Variants in DNAH11 observed in about 807,000 individuals in gnomAD.
The protein encoded by DNAH11 is axonemal beta dynein heavy chain 11.
In DNAH11, 442 loss-of-function variants were observed where a neutral mutation model predicts 526.0. The ratio of observed to expected loss-of-function variants is 0.84; its 90% CI spans 0.78 to 0.91. The LOEUF is 0.91. DNAH11 is among the 40% of genes least tolerant of loss of function. The probability of loss-of-function intolerance (pLI) is 0.00; values close to 1 mark genes in which losing one functional copy is unlikely to be tolerated. For missense variants in DNAH11, 6,989 were observed against 5,448.7 expected, an observed-to-expected ratio of 1.28 and a Z score of -8.90; for synonymous variants, 2,461 against 1,935.9, an observed-to-expected ratio of 1.27 and a Z score of -7.12.
chr7:21,824,185 T>C (rs895944104), intron 65 of DNAH11, among the ~76,000 whole-genome samples: 1 of 152,168 alleles, frequency 6.6e-6, no homozygotes, highest in African/African-American at 2.4e-5. Flanking sequence ...TTAGGGTGTT[T>C]TAATTTTATT....
intron 14 of DNAH11, among the ~76,000 whole-genome samples, chr7:21,593,247 C>A (rs912882949): frequency 1.6e-4 from 25 of 152,202 alleles, no homozygotes; most frequent in African/African-American, 6.0e-4. Context: ...TGACGTAGGA[C>A]CTGAAAATAA....
chr7:21,581,218 C>T (rs1389060708), intron 8 of DNAH11, among the ~76,000 whole-genome samples: 1 of 152,164 alleles, frequency 6.6e-6, no homozygotes, highest in African/African-American at 2.4e-5. Context: ...AATCCTGGGA[C>T]TTCTTTACTG....
intron 77 of DNAH11, among the ~76,000 whole-genome samples, 155 bp downstream of exon 77, chr7:21,892,822 A>G (rs796594208): frequency 1.3e-5 from 2 of 152,322 alleles, no homozygotes; most frequent in African/African-American, 4.8e-5. Flanking sequence ...ACACTCCAGA[A>G]GGATACTCAT....
In DNAH11 at chr7:21,818,210, T is replaced by G; in HGVS notation, c.10569-7T>G. 1 of 1,607,996 alleles carries G rather than the reference T, an allele frequency of 6.2e-7. No individual in the cohort carries two copies. The highest frequency in any genetic ancestry group is 8.5e-7 in the Non-Finnish European group (1 of 1,178,032). On this transcript the variant is annotated splice_polypyrimidine_tract_variant and splice_region_variant and intron_variant, in intron 64 of 81. Coordinates refer to ENST00000409508, the MANE Select transcript of DNAH11 (RefSeq NM_001277115.2). ...TTTTATTATCTCAAATCCCACTGAA[T>G]TTTAAGGTTTTTGAATGCCATTGAA...
chr7:21,763,439 C>A (rs1240298781), intron 54 of DNAH11, among the ~76,000 whole-genome samples: 1 of 150,248 alleles, frequency 6.7e-6, no homozygotes, highest in Non-Finnish European at 1.5e-5. Context: ...CAAATCAAAA[C>A]CACAATGAAG....
chr7:21,623,736 G>A (rs367947924), intron 25 of DNAH11, among the ~76,000 whole-genome samples: 32 of 149,532 alleles, frequency 2.1e-4, no homozygotes, highest in East Asian at 1.8e-3. Flanking sequence ...AGCACTGCAT[G>A]TTCTCACACA....
chr7:21,803,438 T>C (rs924986205), intron 62 of DNAH11, among the ~76,000 whole-genome samples: 4 of 152,164 alleles, frequency 2.6e-5, no homozygotes, highest in Non-Finnish European at 5.9e-5. Flanking sequence ...CACCTTCAGA[T>C]TCAAAGAGAC....
intron 6 of DNAH11, among the ~76,000 whole-genome samples, chr7:21,566,380 A>G (rs1386205898): frequency 6.6e-6 from 1 of 152,160 alleles, no homozygotes; most frequent in Non-Finnish European, 1.5e-5. Flanking sequence ...TATGCCCAAC[A>G]TGTTAGGAGT....
At chr7:21,880,091 A>C (rs1223713038) in intron 74 of DNAH11, among the ~76,000 whole-genome samples, 9 of 152,002 alleles carry the variant, frequency 5.9e-5, no homozygotes, top group Non-Finnish European at 1.2e-4. Context: ...TCTCAAAAAA[A>C]AAAAAAAAAA....
At chr7:21,853,418 G>A (rs1165777827) in intron 67 of DNAH11, among the ~76,000 whole-genome samples, 1 of 152,216 alleles carries the variant, frequency 6.6e-6, no homozygotes, top group Non-Finnish European at 1.5e-5. Flanking sequence ...TCAAGTAAGT[G>A]AATATTAGGT....
chr7:21,698,585 T>C (rs1783944389), intron 36 of DNAH11, among the ~76,000 whole-genome samples: 1 of 152,214 alleles, frequency 6.6e-6, no homozygotes, highest in Admixed American at 6.5e-5. Context: ...TTTCCATTCC[T>C]GAGTTACTTT....
chr7:21,605,708 T>G (rs1266583075), intron 18 of DNAH11, among the ~76,000 whole-genome samples: 1 of 152,206 alleles, frequency 6.6e-6, no homozygotes, highest in Non-Finnish European at 1.5e-5. Context: ...TTTCAAAGCA[T>G]CTTTTTTTTC....
chr7:21,856,426 T>C (rs753152369), intron 68 of DNAH11, among the ~76,000 whole-genome samples: 9 of 152,210 alleles, frequency 5.9e-5, no homozygotes, highest in Non-Finnish European at 1.2e-4. Context: ...CACAGTGTGG[T>C]TGGAGTTTGA....
intron 28 of DNAH11, among the ~76,000 whole-genome samples, chr7:21,654,659 A>G (rs1781933666): frequency 6.6e-6 from 1 of 152,194 alleles, no homozygotes; most frequent in South Asian, 2.1e-4. Context: ...AGGAACCACA[A>G]AACTGTTTTC....
chr7:21,868,790 A>G, intron 72 of DNAH11, 74 bp from the exon 73 acceptor site: 2 of 1,585,542 alleles, frequency 1.3e-6, no homozygotes, highest in South Asian at 2.3e-5. Flanking sequence ...GATGTGCATT[A>G]GACCACAGAA....
At chr7:21,747,705 A>G (rs978448860) in intron 51 of DNAH11, among the ~76,000 whole-genome samples, 1 of 152,212 alleles carries the variant, frequency 6.6e-6, no homozygotes, top group Admixed American at 6.5e-5. Flanking sequence ...GCTTCAGCAA[A>G]TTATTCTACA....
intron 14 of DNAH11, among the ~76,000 whole-genome samples, chr7:21,592,395 T>C (rs1332849012): frequency 6.6e-6 from 1 of 152,094 alleles, no homozygotes; most frequent in African/African-American, 2.4e-5. Flanking sequence ...TATAGACACT[T>C]TGAGGCAGGA....
chr7:21,748,503 A>G, intron 51 of DNAH11, 77 bp from the exon 52 acceptor site: 4 of 1,290,074 alleles, frequency 3.1e-6, no homozygotes, highest in Non-Finnish European at 4.0e-6. Flanking sequence ...GCAAATAAAT[A>G]AATAAAAATA....
At chr7:21,676,755 T>C (rs1159243896) in intron 30 of DNAH11, among the ~76,000 whole-genome samples, 1 of 152,224 alleles carries the variant, frequency 6.6e-6, no homozygotes, top group Non-Finnish European at 1.5e-5. Flanking sequence ...TTACTGTTGT[T>C]ACAATCAACT....
Sources: gnomAD v4.1 joint callset for allele counts (sites outside exome capture counted in the v4.1 genomes callset) on GRCh38, gnomAD v4.1.1 for gene constraint, MANE v1.5 for transcripts, NCBI Gene and HGNC (gene_info 2026-07-23, HGNC 2026-07-21) for gene names.